KDM1A: variants seen among roughly 807,000 people sequenced by gnomAD.
KDM1A encodes the protein lysine-specific histone demethylase 1A.
A neutral mutation model predicts 109.4 loss-of-function variants in KDM1A; 49 were observed. The observed-to-expected ratio is 0.45, with a 90% confidence interval of 0.36 to 0.57. The LOEUF is 0.57. Among genes scored for constraint, KDM1A ranks in the 20% least tolerant of loss-of-function variants. The probability of loss-of-function intolerance (pLI) is 0.00; values close to 1 mark genes in which losing one functional copy is unlikely to be tolerated. For missense variants in KDM1A, 668 were observed against 1,116.6 expected (o/e 0.60, Z 5.73); for synonymous variants, 380 against 415.4 (o/e 0.91, Z 1.04).
chr1:23,063,241 T>G (rs1265246896), intron 9 of KDM1A, among the ~76,000 whole-genome samples: 10 of 126,908 alleles, frequency 7.9e-5, no homozygotes, highest in Non-Finnish European at 9.9e-5. Flanking sequence ...GGTGTGTGTG[T>G]GTGTGTGTGT....
chr1:23,043,658 A>G (rs1025031477), intron 2 of KDM1A, among the ~76,000 whole-genome samples: 1 of 152,250 alleles, frequency 6.6e-6, no homozygotes, highest in African/African-American at 2.4e-5. Context: ...AAGACAATCT[A>G]TTCTTTATCA....
intron 2 of KDM1A, among the ~76,000 whole-genome samples, chr1:23,040,639 T>C (rs1642286177): frequency 6.7e-6 from 1 of 150,058 alleles, no homozygotes; most frequent in South Asian, 2.1e-4. Context: ...AAAAAAAAAA[T>C]TAGCCAGGTA....
Position 23,066,067 on chromosome 1 carries a change from T to A in KDM1A, c.1175T>A (p.Val392Asp). The change falls in exon 10 of 21, where the codon GTC (valine) becomes GAC (aspartate). Residue 392 changes from valine to aspartate, a missense_variant. Coordinates refer to ENST00000400181, the MANE Select transcript of KDM1A (RefSeq NM_001009999.3). ...TGCTGCACTGGTTAAAAGGACACTG[T>A]CAAGGTATTTTTTTCATAATTTTTC... ...LYEANGQADTVKVPKEKDEMV... is the reference protein window; with the variant it reads ...LYEANGQADTDKVPKEKDEMV... 2 of 1,595,294 alleles carry A rather than the reference T, an allele frequency of 1.3e-6. No individual in the cohort carries two copies. Among genetic ancestry groups the A allele is most frequent in the Non-Finnish European group, 1.7e-6 (2 of 1,163,540 alleles).
intron 1 of KDM1A, among the ~76,000 whole-genome samples, chr1:23,020,880 A>G (rs1329901945): frequency 6.6e-6 from 1 of 152,200 alleles, no homozygotes; most frequent in Non-Finnish European, 1.5e-5. Flanking sequence ...AAAGGACCAC[A>G]TGGGACACTG....
chr1:23,083,386 G>A lies in KDM1A; in HGVS notation c.*22G>A, dbSNP rs770311266. The A allele has an allele frequency of 1.3e-6, 2 of 1,596,012 alleles. No homozygotes were observed. The highest frequency in any genetic ancestry group is 1.1e-5 in the South Asian group (1 of 89,420). On this transcript the variant is annotated 3_prime_UTR_variant, in exon 21 of 21. Coordinates refer to ENST00000400181, the MANE Select transcript of KDM1A (RefSeq NM_001009999.3). ...GTGAGACAGATGCATTCTAAGGGAAGAGGCCCATGTGCCTGTTTCTGCCAT... is the reference window on the plus strand; with the variant it reads ...GTGAGACAGATGCATTCTAAGGGAAAAGGCCCATGTGCCTGTTTCTGCCAT...
chr1:23,075,928 CAA>C (rs945582155), intron 15 of KDM1A, among the ~76,000 whole-genome samples: 2 of 151,696 alleles, frequency 1.3e-5, no homozygotes, highest in Non-Finnish European at 2.9e-5. Flanking sequence ...GCCTGGGCAA[CAA>C]GAGCAAAACT....
intron 13 of KDM1A, 65 bp from the exon 14 acceptor site, chr1:23,072,059 G>C (rs975498365): frequency 3.1e-6 from 3 of 954,124 alleles, no homozygotes; most frequent in East Asian, 5.2e-5. Context: ...ATACTTTGTG[G>C]TACAAAGAAA....
intron 6 of KDM1A, 111 bp from the exon 7 acceptor site, chr1:23,055,821 T>G: frequency 5.9e-6 from 3 of 507,752 alleles, no homozygotes; most frequent in Non-Finnish European, 1.0e-5. Flanking sequence ...CTCTGTATTT[T>G]TTACTTTGTA....
At chr1:23,065,506 G>C (rs1044498061) in intron 9 of KDM1A, among the ~76,000 whole-genome samples, 1 of 152,132 alleles carries the variant, frequency 6.6e-6, no homozygotes, top group Admixed American at 6.6e-5. Context: ...GGGAAAAAAA[G>C]CCAGGTTTCA....
Position 23,082,381 on chromosome 1 carries a change from A to G in KDM1A, c.2445+15A>G, listed in dbSNP as rs1035062152. ...GTGCCCCACAGGTGAGAAGCTGGCA[A>G]ACTATCTGGGCTTATTTGGGAAGAG... On this transcript the variant is annotated intron_variant, in intron 20 of 20. Coordinates refer to ENST00000400181, the MANE Select transcript of KDM1A (RefSeq NM_001009999.3). 1 of 1,607,728 alleles carries G rather than the reference A, an allele frequency of 6.2e-7. No homozygotes were observed. Among genetic ancestry groups the G allele is most frequent in the Non-Finnish European group, 8.5e-7 (1 of 1,176,702 alleles).
Position 23,071,348 on chromosome 1 carries a change from G to T in KDM1A, c.1537G>T (p.Ala513Ser), listed in dbSNP as rs758354898. 2 of 1,609,018 alleles carry T rather than the reference G, an allele frequency of 1.2e-6. No individual in the cohort carries two copies. Among genetic ancestry groups the T allele is most frequent in the Non-Finnish European group, 1.7e-6 (2 of 1,178,546 alleles). ...LVKSKHRDLT[A>S]LCKEYDELAE... ...GAAAAGCAAACACAGGGATCTGACC[G>T]CCCTATGCAAGGTGTGGTATACATA... The change falls in exon 13 of 21, where the codon GCC (alanine) becomes TCC (serine). Residue 513 changes from alanine to serine, a missense_variant. Coordinates refer to ENST00000400181, the MANE Select transcript of KDM1A (RefSeq NM_001009999.3).
chr1:23,046,213 T>C (rs1314411230), intron 3 of KDM1A, among the ~76,000 whole-genome samples: 2 of 152,198 alleles, frequency 1.3e-5, no homozygotes, highest in Non-Finnish European at 2.9e-5. Flanking sequence ...GTGCAAAGAC[T>C]ATTCCTTACA....
At chr1:23,061,876 C>G (rs777030991) in intron 9 of KDM1A, among the ~76,000 whole-genome samples, 34 of 152,080 alleles carry the variant, frequency 2.2e-4, no homozygotes, top group Non-Finnish European at 4.4e-4. Context: ...CCAGGCTGGT[C>G]TTGAACTCCC....
intron 5 of KDM1A, 52 bp downstream of exon 5, chr1:23,053,891 A>G (rs750036092): frequency 1.1e-5 from 11 of 968,458 alleles, no homozygotes; most frequent in Non-Finnish European, 1.8e-5. Context: ...GAAAATTGAT[A>G]CGTTCTTCTA....
At chr1:23,062,169 T>C (rs1038710312) in intron 9 of KDM1A, among the ~76,000 whole-genome samples, 4 of 152,248 alleles carry the variant, frequency 2.6e-5, no homozygotes, top group South Asian at 2.1e-4. Context: ...ATCCATTGCC[T>C]GGTGTTCTTG....
rs771287901 is a variant in KDM1A, at chr1:23,082,347, C to T, written c.2426C>T (p.Ser809Leu). 6.8e-6 allele frequency: 11 copies of T among 1,611,776 alleles called. No individual in the cohort carries two copies. In the East Asian group the frequency reaches 1.6e-4, roughly 23 times the overall value. Residue 809 changes from serine (S) to leucine (L), a missense_variant, in exon 20 of 21, where the codon TCG (serine) becomes TTG (leucine). Physicochemically the swap from Ser to Leu is moderately radical, Grantham distance 145. Coordinates refer to ENST00000400181, the MANE Select transcript of KDM1A (RefSeq NM_001009999.3). ...LMAQPITPGP[S>L]IPGAPQPIPR... Reference sequence around the variant, plus strand: ...GCTCAGCCAATCACTCCTGGCCCCTCGATTCCAGGTGCCCCACAGGTGAGA... The same window carrying T: ...GCTCAGCCAATCACTCCTGGCCCCTTGATTCCAGGTGCCCCACAGGTGAGA...
At chr1:23,035,170 G>A (rs367560209) in intron 2 of KDM1A, among the ~76,000 whole-genome samples, 1 of 152,132 alleles carries the variant, frequency 6.6e-6, no homozygotes, top group South Asian at 2.1e-4. Flanking sequence ...AAAGTTTGTA[G>A]GTGTGTGTTT....
At chr1:23,019,998 C>G (rs1462863799) in intron 1 of KDM1A, 51 bp downstream of exon 1, 1 of 1,413,896 alleles carries the variant, frequency 7.1e-7, no homozygotes, top group Non-Finnish European at 9.3e-7. Flanking sequence ...CGAGCTTCCC[C>G]GAGGCTTCTC....
chr1:23,042,513 C>T (rs1477691648), intron 2 of KDM1A, among the ~76,000 whole-genome samples: 7 of 109,664 alleles, frequency 6.4e-5, no homozygotes, highest in African/African-American at 2.1e-4. Context: ...AGTGCAGTGG[C>T]GGGATCTCGG....
Sources: gnomAD v4.1 joint callset for allele counts (sites outside exome capture counted in the v4.1 genomes callset) on GRCh38, gnomAD v4.1.1 for gene constraint, MANE v1.5 for transcripts, NCBI Gene and HGNC (gene_info 2026-07-23, HGNC 2026-07-21) for gene names.